PRPSAP2: variants seen among roughly 807,000 people sequenced by gnomAD.
PRPSAP2 encodes phosphoribosyl pyrophosphate synthase-associated protein 2.
Under a neutral mutation model 40.6 loss-of-function variants are expected in PRPSAP2, and 24 were observed. That is an observed-to-expected ratio of 0.59 (90% CI 0.43 to 0.83). PRPSAP2 has a LOEUF of 0.83. Ranked by LOEUF, PRPSAP2 falls within the 40% of genes least tolerant of loss-of-function variation. The pLI, the probability that PRPSAP2 is intolerant of heterozygous loss-of-function variation, is 0.00. For synonymous variants in PRPSAP2, 149 were observed against 164.7 expected, an observed-to-expected ratio of 0.90 and a Z score of 0.73; for missense variants, 292 against 465.6, an observed-to-expected ratio of 0.63 and a Z score of 3.43.
chr17:18,926,273 AT>A (rs778589028), intron 10 of PRPSAP2, among the ~76,000 whole-genome samples: 25 of 108,248 alleles, frequency 2.3e-4, no homozygotes, highest in Middle Eastern at 4.4e-3. Flanking sequence ...ATTTATTTCT[AT>A]TTTTTTTTTT....
At chr17:18,874,349 G>A (rs2038115047) in intron 5 of PRPSAP2, among the ~76,000 whole-genome samples, 1 of 152,098 alleles carries the variant, frequency 6.6e-6, no homozygotes, top group South Asian at 2.1e-4. Context: ...AGCTTAGAGA[G>A]TCTGAAAGTT....
chr17:18,881,717 A>G (rs555955486), intron 6 of PRPSAP2, among the ~76,000 whole-genome samples: 5 of 151,746 alleles, frequency 3.3e-5, no homozygotes, highest in Admixed American at 2.6e-4. Context: ...TTTGTTTTGT[A>G]GAGGCGGGGT....
At chr17:18,907,579 G>A (rs2040674074) in intron 8 of PRPSAP2, among the ~76,000 whole-genome samples, 3 of 152,208 alleles carry the variant, frequency 2.0e-5, no homozygotes, top group Admixed American at 1.3e-4. Context: ...ACCATCCAGA[G>A]AGAGCAGAAT....
intron 1 of PRPSAP2, chr17:18,858,621 G>A (rs2036774283): frequency 6.6e-6 from 1 of 152,288 alleles, no homozygotes; most frequent in African/African-American, 2.4e-5. Context: ...AGCTGACACG[G>A]AGCCCCTGAT....
At chr17:18,887,182 G>A (rs1425309453) in intron 7 of PRPSAP2, among the ~76,000 whole-genome samples, 3 of 151,390 alleles carry the variant, frequency 2.0e-5, no homozygotes, top group South Asian at 2.1e-4. Flanking sequence ...TTATCCACCC[G>A]CCTCAACCTC....
At chr17:18,884,540 G>C (rs1040268810) in intron 7 of PRPSAP2, among the ~76,000 whole-genome samples, 3 of 152,002 alleles carry the variant, frequency 2.0e-5, no homozygotes, top group Non-Finnish European at 4.4e-5. Context: ...GAATCTTGCT[G>C]TGTTACCCAG....
At chr17:18,859,988 C>T (rs932871899) in intron 1 of PRPSAP2, among the ~76,000 whole-genome samples, 1 of 152,166 alleles carries the variant, frequency 6.6e-6, no homozygotes, top group Non-Finnish European at 1.5e-5. Context: ...TTGTGATCTG[C>T]CTGCCTTGGC....
At position 18,908,649 on chromosome 17, in the gene PRPSAP2, C is replaced by T. The variant is rs368917188; in HGVS notation, c.585-2454C>T. ...GGGTCTGGAACACCCACGCCGACTT[C>T]GCCAACGAGTGCCCCAAGCCAGAGC... is the stretch of plus-strand genomic sequence containing the variant. On this transcript the variant is annotated intron_variant, in intron 8 of 11. Coordinates refer to ENST00000268835, the MANE Select transcript of PRPSAP2 (RefSeq NM_002767.4). The T allele has an allele frequency of 1.8e-4, 131 of 720,434 alleles. No individual in the cohort carries two copies. The African/African-American group carries it at 1.8e-3, about 10-fold the overall frequency. 44.6% of individuals were successfully genotyped at this position (720,434 alleles called of 1,614,324 possible). A position where few individuals can be genotyped will look rare whatever the true frequency, so the allele number is the denominator to read the frequency against.
intron 6 of PRPSAP2, among the ~76,000 whole-genome samples, chr17:18,879,895 C>CG (rs11397514): frequency 1 from 152,093 of 152,140 alleles, 76,023 homozygotes; most frequent in East Asian, 1. Flanking sequence ...GTTGGGAGTT[C>CG]AGAGCAGCCT....
Position 18,886,448 on chromosome 17 carries a change from C to T in PRPSAP2, c.529-3374C>T, listed in dbSNP as rs371901405. Among the ~76,000 whole-genome samples, 4 of 152,138 alleles carry T rather than the reference C, an allele frequency of 2.6e-5. No individual in the cohort carries two copies. In the East Asian group the frequency reaches 5.8e-4, roughly 22 times the overall value. ...TCAGCTTACTGCAAGCTCCGCCTCC[C>T]GGGTTCACGCCATTCTCCTAGGCCT... is the stretch of plus-strand genomic sequence containing the variant. On this transcript the variant is annotated intron_variant, in intron 7 of 11. Coordinates refer to ENST00000268835, the MANE Select transcript of PRPSAP2 (RefSeq NM_002767.4).
rs35855183 is a variant in PRPSAP2 at position 18,875,853 on chromosome 17, C to CAA, written c.240-1829_240-1828dup. Among the ~76,000 whole-genome samples the CAA allele has an allele frequency of 2.5e-4, 27 of 107,692 alleles. 1 individual carries two copies. Among genetic ancestry groups the CAA allele is most frequent in the Admixed American group, 1.4e-3 (14 of 10,302 alleles). The allele number at this position is 107,692 out of a possible 152,430, so 70.7% of individuals were successfully genotyped here. A position where few individuals can be genotyped will look rare whatever the true frequency, so the allele number is the denominator to read the frequency against. On this transcript the variant is annotated intron_variant, in intron 5 of 11. Transcript: ENST00000268835. Reference sequence around the variant, plus strand: ...TGGGTGATAGAGTGAGACTCTGTCTCAAAAAAAAAAAAAAAAAGCCTGTAA... The same window carrying CAA: ...TGGGTGATAGAGTGAGACTCTGTCTCAAAAAAAAAAAAAAAAAAAGCCTGTAA...
chr17:18,904,361 T>G (rs144468153), intron 8 of PRPSAP2: 6 of 152,292 alleles, frequency 3.9e-5, no homozygotes, highest in African/African-American at 1.4e-4. Context: ...TTCAAGCGAT[T>G]CTCTTGCCTC....
intron 8 of PRPSAP2, among the ~76,000 whole-genome samples, chr17:18,892,232 A>T (rs1298837044): frequency 6.6e-6 from 1 of 151,736 alleles, no homozygotes; most frequent in Non-Finnish European, 1.5e-5. Flanking sequence ...TCATCTGTTG[A>T]TGGACACTTT....
intron 6 of PRPSAP2, among the ~76,000 whole-genome samples, chr17:18,879,559 TTC>T (rs2038570633): frequency 6.6e-6 from 1 of 152,054 alleles, no homozygotes; most frequent in Non-Finnish European, 1.5e-5. Context: ...GTTTAAGCGA[TTC>T]ACCTGCCTCA....
At position 18,865,884 on chromosome 17, in the gene PRPSAP2, A is replaced by G. The variant is rs887474957; in HGVS notation, c.51A>G (p.Lys17=). The change falls in exon 3 of 12, where the codon AAA becomes AAG. Residue 17 remains lysine (K), a synonymous_variant. Transcript: ENST00000268835. Reference sequence around the variant, plus strand: ...TAGAAACCAAGATGAACATAACCAAAGGTGGTCTGGTGTTGTTTTCAGCAA... The same window carrying G: ...TAGAAACCAAGATGAACATAACCAAGGGTGGTCTGGTGTTGTTTTCAGCAA... ...PELETKMNIT[K]GGLVLFSANS... 3.2e-6 allele frequency: 5 copies of G among 1,549,160 alleles called. No individual in the cohort carries two copies. The highest frequency in any genetic ancestry group is 4.4e-6 in the Non-Finnish European group (5 of 1,140,028).
At chr17:18,888,894 C>T (rs1035640541) in intron 7 of PRPSAP2, among the ~76,000 whole-genome samples, 2 of 152,202 alleles carry the variant, frequency 1.3e-5, no homozygotes, top group Admixed American at 6.5e-5. Context: ...TTTTAACCTC[C>T]GTAGAGACAA....
At chr17:18,881,260 A>G (rs1428918148) in intron 6 of PRPSAP2, among the ~76,000 whole-genome samples, 1 of 150,536 alleles carries the variant, frequency 6.6e-6, no homozygotes, top group Non-Finnish European at 1.5e-5. Context: ...TTTTGAGACC[A>G]AGTCTCCCCC....
At chr17:18,925,341 G>C (rs1316758381) in intron 10 of PRPSAP2, among the ~76,000 whole-genome samples, 1 of 152,212 alleles carries the variant, frequency 6.6e-6, no homozygotes, top group African/African-American at 2.4e-5. Context: ...TTGCCTCAGA[G>C]GTTGTCACTG....
intron 10 of PRPSAP2, 124 bp from the exon 11 acceptor site, chr17:18,928,687 C>G (rs562825008): frequency 1.5e-6 from 2 of 1,335,122 alleles, no homozygotes; most frequent in African/African-American, 2.9e-5. Context: ...GCCGTCTGCA[C>G]AAGGCCAAGT....
Sources: gnomAD v4.1 joint callset for allele counts (sites outside exome capture counted in the v4.1 genomes callset) on GRCh38, gnomAD v4.1.1 for gene constraint, MANE v1.5 for transcripts, NCBI Gene and HGNC (gene_info 2026-07-23, HGNC 2026-07-21) for gene names.